ROBO1: variants seen among roughly 807,000 people sequenced by gnomAD.
ROBO1 encodes the protein roundabout guidance receptor 1.
In ROBO1, 149 loss-of-function variants were observed where a neutral mutation model predicts 195.9. The observed-to-expected ratio is 0.76, with a 90% confidence interval of 0.67 to 0.87. ROBO1 has a LOEUF of 0.87. ROBO1 is among the 40% of genes least tolerant of loss of function. The pLI is 0.00. For missense variants in ROBO1, 1,933 were observed against 2,068.3 expected, an observed-to-expected ratio of 0.93 and a Z score of 1.27; for synonymous variants, 816 against 733.2, an observed-to-expected ratio of 1.11 and a Z score of -1.82.
Position 78,897,715 on chromosome 3 carries a change from T to C in ROBO1, c.499+40886A>G, listed in dbSNP as rs185513818. The stretch of plus-strand genomic sequence containing the variant: ...TAAAGGGAATCAACATTTATAACAT[T>C]ACTTTTCAATGCATTTGCTTACTCA... On this transcript the variant is annotated intron_variant, in intron 4 of 30. Coordinates refer to ENST00000464233, the MANE Select transcript of ROBO1 (RefSeq NM_002941.4). Among the ~76,000 whole-genome samples the C allele has an allele frequency of 2.0e-5, 3 of 152,270 alleles. No individual in the cohort carries two copies. The East Asian group carries it at 5.8e-4, about 29-fold the overall frequency.
chr3:79,305,971 C>A (rs75771746), intron 2 of ROBO1, among the ~76,000 whole-genome samples: 4,824 of 152,086 alleles, frequency 0.032, 227 homozygotes, highest in African/African-American at 0.1. Context: ...AAATAAGAAT[C>A]CATTTTGGAG....
intron 1 of ROBO1, among the ~76,000 whole-genome samples, chr3:79,766,275 T>C (rs1704985844): frequency 6.6e-6 from 1 of 151,818 alleles, no homozygotes; most frequent in Non-Finnish European, 1.5e-5. Context: ...CTTCCCCTCT[T>C]GCAGCCTCAT....
chr3:79,402,789 T>C (rs1452006762), intron 2 of ROBO1, among the ~76,000 whole-genome samples: 1 of 151,978 alleles, frequency 6.6e-6, no homozygotes, highest in African/African-American at 2.4e-5. Context: ...ACTTTTTAAT[T>C]GTTTTCTCCA....
chr3:79,128,241 T>C (rs1025751602), intron 2 of ROBO1, among the ~76,000 whole-genome samples: 23 of 152,144 alleles, frequency 1.5e-4, no homozygotes, highest in Admixed American at 2.0e-4. Flanking sequence ...CAGGCCTGAA[T>C]TGAAACAGGT....
At chr3:79,444,340 A>T (rs183826578) in intron 2 of ROBO1, among the ~76,000 whole-genome samples, 212 of 152,212 alleles carry the variant, frequency 1.4e-3, no homozygotes, top group East Asian at 8.3e-3. Context: ...TATATAATTT[A>T]AAAAAATCCA....
intron 4 of ROBO1, among the ~76,000 whole-genome samples, chr3:78,929,991 A>G (rs1372700178): frequency 2.0e-5 from 3 of 152,188 alleles, no homozygotes; most frequent in African/African-American, 7.2e-5. Context: ...AGTCAGCTAA[A>G]TTCCCCAAGT....
chr3:79,306,375 A>G (rs2033218224), intron 2 of ROBO1, among the ~76,000 whole-genome samples: 1 of 146,688 alleles, frequency 6.8e-6, no homozygotes, highest in South Asian at 2.1e-4. Context: ...TTCCTTCTCA[A>G]GATATCAATT....
intron 3 of ROBO1, among the ~76,000 whole-genome samples, chr3:79,006,549 A>G (rs2077625420): frequency 6.6e-6 from 1 of 152,084 alleles, no homozygotes; most frequent in Non-Finnish European, 1.5e-5. Flanking sequence ...ACCCATATTT[A>G]TTGGTTAGGA....
intron 2 of ROBO1, among the ~76,000 whole-genome samples, chr3:79,133,379 A>G (rs1419556573): frequency 1.9e-4 from 23 of 119,270 alleles, no homozygotes; most frequent in African/African-American, 4.9e-4. Flanking sequence ...GGCTTTGCTC[A>G]TTTCTTTTTA....
chr3:78,602,066 GTA>G lies in ROBO1; in HGVS notation c.4745-1759_4745-1758del, dbSNP rs1260685404. ...TGTGAGTGTGTGTGTGTGTGTGTGT[GTA>G]TATATATAGATGAATGATATAGTTT... On this transcript the variant is annotated intron_variant, in intron 29 of 30. Coordinates refer to ENST00000464233, the MANE Select transcript of ROBO1 (RefSeq NM_002941.4). Among the ~76,000 whole-genome samples the G allele has an allele frequency of 4.3e-3, 450 of 104,940 alleles. 3 individuals are homozygous for G. Among genetic ancestry groups the G allele is most frequent in the Middle Eastern group, 0.016 (3 of 188 alleles). The allele number at this position is 104,940 out of a possible 152,430, so 68.8% of individuals were successfully genotyped here. A position where few individuals can be genotyped will look rare whatever the true frequency, so the allele number is the denominator to read the frequency against.
At chr3:78,646,689 A>G (rs1365275954) in intron 20 of ROBO1, among the ~76,000 whole-genome samples, 1 of 151,070 alleles carries the variant, frequency 6.6e-6, no homozygotes, top group African/African-American at 2.4e-5. Context: ...AAACCTTTCT[A>G]CACACAAAGA....
intron 4 of ROBO1, among the ~76,000 whole-genome samples, chr3:78,809,665 A>G (rs2084668767): frequency 6.6e-6 from 1 of 152,246 alleles, no homozygotes; most frequent in South Asian, 2.1e-4. Context: ...CAGCCACAAA[A>G]AAGGATGAGT....
At chr3:79,416,104 C>A (rs955516520) in intron 2 of ROBO1, among the ~76,000 whole-genome samples, 5 of 151,874 alleles carry the variant, frequency 3.3e-5, no homozygotes, top group Admixed American at 6.6e-5. Flanking sequence ...CACTTCAAAT[C>A]TAGTAAGAAT....
chr3:79,679,518 ATATGTT>A (rs1312336625), intron 1 of ROBO1, among the ~76,000 whole-genome samples: 5 of 152,052 alleles, frequency 3.3e-5, no homozygotes, highest in African/African-American at 1.2e-4. Flanking sequence ...AGATATGTGT[ATATGTT>A]TAAGTATAAA....
intron 2 of ROBO1, among the ~76,000 whole-genome samples, chr3:79,173,410 C>T (rs1398152205): frequency 6.6e-6 from 1 of 151,812 alleles, no homozygotes; most frequent in Non-Finnish European, 1.5e-5. Context: ...TGGGTGTGGG[C>T]TCGGCGGGCC....
At position 79,356,662 on chromosome 3, in the gene ROBO1, T is replaced by C. The variant is rs537609002; in HGVS notation, c.89-231123A>G. Among the ~76,000 whole-genome samples the C allele has an allele frequency of 3.9e-5, 6 of 152,188 alleles. No homozygotes were observed. In the South Asian group the frequency reaches 1.2e-3, roughly 32 times the overall value. On this transcript the variant is annotated intron_variant, in intron 2 of 30. Coordinates refer to ENST00000464233, the MANE Select transcript of ROBO1 (RefSeq NM_002941.4). ...GTAACAAAATGTTGACATTTCATTG[T>C]TTTTTCCCTTTTATTTATGTCATTG...
At chr3:79,651,311 A>G (rs1043446118) in intron 1 of ROBO1, among the ~76,000 whole-genome samples, 2 of 152,112 alleles carry the variant, frequency 1.3e-5, no homozygotes, top group African/African-American at 4.8e-5. Flanking sequence ...TGTATGCAAA[A>G]TGTTACATTT....
At chr3:78,812,439 G>C (rs958218631) in intron 4 of ROBO1, among the ~76,000 whole-genome samples, 10 of 152,002 alleles carry the variant, frequency 6.6e-5, no homozygotes, top group Middle Eastern at 6.8e-3. Flanking sequence ...TTTCTTTTTG[G>C]ATAATGGATA....
At position 79,243,089 on chromosome 3, in the gene ROBO1, T is replaced by G. The variant is rs1177778796; in HGVS notation, c.89-117550A>C. On this transcript the variant is annotated intron_variant, in intron 2 of 30. Transcript: ENST00000464233. Reference sequence around the variant, plus strand: ...ATGAGTGAGAACATGTGGTGTTTGGTTTTTTGTCCTTGCGATAGTTTGCTG... The same window carrying G: ...ATGAGTGAGAACATGTGGTGTTTGGGTTTTTGTCCTTGCGATAGTTTGCTG... Among the ~76,000 whole-genome samples, 28 of 150,472 alleles carry G rather than the reference T, an allele frequency of 1.9e-4. No homozygotes were observed. In the East Asian group the frequency reaches 5.4e-3, roughly 29 times the overall value.
Sources: gnomAD v4.1 joint callset for allele counts (sites outside exome capture counted in the v4.1 genomes callset) on GRCh38, gnomAD v4.1.1 for gene constraint, MANE v1.5 for transcripts, NCBI Gene and HGNC (gene_info 2026-07-23, HGNC 2026-07-21) for gene names.